Variants in PARVA observed in about 807,000 individuals in gnomAD.
The protein encoded by PARVA is parvin alpha, also known as alpha-parvin.
In PARVA, 25 loss-of-function variants were observed where a neutral mutation model predicts 52.6. The ratio of observed to expected loss-of-function variants is 0.48; its 90% CI spans 0.35 to 0.66. PARVA has a LOEUF of 0.66. PARVA is among the 30% of genes least tolerant of loss of function. The pLI, the probability that PARVA is intolerant of heterozygous loss-of-function variation, is 0.01. For synonymous variants in PARVA, 185 were observed against 179.1 expected (o/e 1.03, Z -0.26); for missense variants, 373 against 450.9 (o/e 0.83, Z 1.56).
Position 12,517,622 on chromosome 11 carries a change from G to A in PARVA, c.880G>A (p.Val294Met), listed in dbSNP as rs1212490785. 1.9e-6 allele frequency: 3 copies of A among 1,597,198 alleles called. No individual in the cohort carries two copies. Among genetic ancestry groups the A allele is most frequent in the East Asian group, 4.5e-5 (2 of 44,294 alleles). The change falls in exon 11 of 13, where the codon GTG (valine) becomes ATG (methionine). Residue 294 changes from valine to methionine, a missense_variant. By Grantham distance (21) the Val-to-Met change is conservative. Coordinates refer to ENST00000334956, the MANE Select transcript of PARVA (RefSeq NM_018222.5). ...GCTCTTCCTCCAGTTTGCAGATGGG[G>A]TGTACCTGGTGCTGCTCATGGGGCT... ...TELETQFADG[V>M]YLVLLMGLLE...
chr11:12,478,682 C>T (rs1941046598), intron 4 of PARVA: 1 of 156,144 alleles, frequency 6.4e-6, no homozygotes, highest in Non-Finnish European at 1.4e-5. Context: ...CCTCTCCCTT[C>T]CTCCTCTGCC....
At chr11:12,520,343 G>C (rs1941621707) in intron 12 of PARVA, among the ~76,000 whole-genome samples, 1 of 152,206 alleles carries the variant, frequency 6.6e-6, no homozygotes, top group Non-Finnish European at 1.5e-5. Flanking sequence ...TGGTTTTTAT[G>C]CTTCTACCTG....
At chr11:12,451,148 T>C (rs969951249) in intron 1 of PARVA, among the ~76,000 whole-genome samples, 1 of 152,186 alleles carries the variant, frequency 6.6e-6, no homozygotes, top group Non-Finnish European at 1.5e-5. Flanking sequence ...CTGTGGCTCT[T>C]TCTTTCCACT....
At chr11:12,514,992 T>A (rs1395275953) in intron 10 of PARVA, among the ~76,000 whole-genome samples, 3 of 152,234 alleles carry the variant, frequency 2.0e-5, no homozygotes, top group African/African-American at 7.2e-5. Flanking sequence ...TTATAGACTG[T>A]CTTTTCTGCA....
At chr11:12,396,051 G>A (rs1407132978) in intron 1 of PARVA, among the ~76,000 whole-genome samples, 3 of 152,110 alleles carry the variant, frequency 2.0e-5, no homozygotes, top group Non-Finnish European at 4.4e-5. Flanking sequence ...CAAGCACCTA[G>A]GGACCTCCAT....
Position 12,532,525 on chromosome 11 carries a change from C to G in PARVA, c.*4600C>G, listed in dbSNP as rs868326854. ...TTCGGCAAGTATGTGTTGAGTGCAG[C>G]ATGTCCAAGGGTGAGTGAGAGATTA... On this transcript the variant is annotated 3_prime_UTR_variant, in exon 13 of 13. Coordinates refer to ENST00000334956, the MANE Select transcript of PARVA (RefSeq NM_018222.5). Among the ~76,000 whole-genome samples the G allele has an allele frequency of 6.6e-6, 1 of 152,142 alleles. No individual in the cohort carries two copies. The highest frequency in any genetic ancestry group is 2.4e-5 in the African/African-American group (1 of 41,410).
At chr11:12,507,508 C>G (rs754802115) in intron 6 of PARVA, among the ~76,000 whole-genome samples, 1 of 152,178 alleles carries the variant, frequency 6.6e-6, no homozygotes, top group Non-Finnish European at 1.5e-5. Context: ...GGCAGCTGCC[C>G]TCCCCTGGAT....
chr11:12,431,793 C>T (rs1274790374), intron 1 of PARVA, among the ~76,000 whole-genome samples: 3 of 152,216 alleles, frequency 2.0e-5, no homozygotes, highest in Non-Finnish European at 2.9e-5. Flanking sequence ...CTCTTTTTGC[C>T]ACCATCAACA....
rs1292645785 is a variant in PARVA at position 12,383,472 on chromosome 11, A to G, written c.136+5689A>G. Among the ~76,000 whole-genome samples, 4 of 152,306 alleles carry G rather than the reference A, an allele frequency of 2.6e-5. No homozygotes were observed. In the East Asian group the frequency reaches 7.7e-4, roughly 29 times the overall value. On this transcript the variant is annotated intron_variant, in intron 1 of 12. Transcript: ENST00000334956. The stretch of plus-strand genomic sequence containing the variant: ...TGATCAGGACCTGAGGTATCCAATG[A>G]AGGCTTTAATTTCATAATTCTTCTA...
At chr11:12,393,044 GAAAAAAA>G (rs60966710) in intron 1 of PARVA, among the ~76,000 whole-genome samples, 50 of 46,134 alleles carry the variant, frequency 1.1e-3, no homozygotes, top group East Asian at 3.0e-3. Context: ...CCCAAATTGT[GAAAAAAA>G]AAAAAAAAAA....
At chr11:12,377,979 G>T (rs1939427471) in intron 1 of PARVA, among the ~76,000 whole-genome samples, 196 bp downstream of exon 1, 1 of 148,238 alleles carries the variant, frequency 6.7e-6, no homozygotes, top group Non-Finnish European at 1.5e-5. Flanking sequence ...CGGGGCTCGC[G>T]GGCCATCGAG....
intron 12 of PARVA, among the ~76,000 whole-genome samples, chr11:12,523,525 G>A (rs1941664317): frequency 6.6e-6 from 1 of 152,208 alleles, no homozygotes. Flanking sequence ...TGGGAAGAGA[G>A]TTCCTCTCTT....
intron 10 of PARVA, among the ~76,000 whole-genome samples, chr11:12,516,411 C>T (rs1206983878): frequency 6.6e-6 from 1 of 152,130 alleles, no homozygotes; most frequent in African/African-American, 2.4e-5. Flanking sequence ...CTGGAACCCC[C>T]TACTCCTCCC....
At chr11:12,472,087 C>G (rs1489704401) in intron 1 of PARVA, among the ~76,000 whole-genome samples, 2 of 152,156 alleles carry the variant, frequency 1.3e-5, no homozygotes, top group Non-Finnish European at 2.9e-5. Flanking sequence ...AGCTGGAAAA[C>G]AAACACAATC....
chr11:12,505,827 TTA>T (rs1564865234), intron 6 of PARVA, among the ~76,000 whole-genome samples: 1 of 152,232 alleles, frequency 6.6e-6, no homozygotes, highest in Non-Finnish European at 1.5e-5. Context: ...ATGCAATTCT[TTA>T]TGTTTTTAAA....
At chr11:12,526,520 T>G (rs1469262957) in intron 12 of PARVA, among the ~76,000 whole-genome samples, 1 of 152,102 alleles carries the variant, frequency 6.6e-6, no homozygotes, top group Non-Finnish European at 1.5e-5. Flanking sequence ...GAAACATAAA[T>G]GTACAGGTTA....
chr11:12,499,888 A>G (rs1941344943), intron 5 of PARVA, among the ~76,000 whole-genome samples: 1 of 152,194 alleles, frequency 6.6e-6, no homozygotes, highest in Non-Finnish European at 1.5e-5. Context: ...TATATTGACA[A>G]ATCATTAAAT....
chr11:12,476,929 A>G (rs1051974467), intron 3 of PARVA, among the ~76,000 whole-genome samples: 7 of 152,142 alleles, frequency 4.6e-5, no homozygotes, highest in African/African-American at 1.7e-4. Flanking sequence ...AAGAAATTGG[A>G]GAAATGTCAA....
chr11:12,502,635 A>G (rs1941377363), intron 5 of PARVA, among the ~76,000 whole-genome samples: 1 of 152,186 alleles, frequency 6.6e-6, no homozygotes, highest in Admixed American at 6.5e-5. Flanking sequence ...CAGGAGCATC[A>G]GAGAGAAAAC....
Sources: gnomAD v4.1 joint callset for allele counts (sites outside exome capture counted in the v4.1 genomes callset) on GRCh38, gnomAD v4.1.1 for gene constraint, MANE v1.5 for transcripts, NCBI Gene and HGNC (gene_info 2026-07-23, HGNC 2026-07-21) for gene names.